ELOVL4: variants seen among roughly 807,000 people sequenced by gnomAD.
ELOVL4 encodes ELOVL fatty acid elongase 4, also known as very long chain fatty acid elongase 4.
In ELOVL4, 18 loss-of-function variants were observed where a neutral mutation model predicts 42.1. That is an observed-to-expected ratio of 0.43 (90% CI 0.30 to 0.63). The LOEUF is 0.63. ELOVL4 is among the 30% of genes least tolerant of loss of function. ELOVL4 has a pLI of 0.15. For synonymous variants in ELOVL4, 117 were observed against 127.0 expected (o/e 0.92, Z 0.53); for missense variants, 299 against 376.2 (o/e 0.79, Z 1.70).
intron 2 of ELOVL4, among the ~76,000 whole-genome samples, chr6:79,925,445 G>A (rs915705513): frequency 1.3e-5 from 2 of 152,136 alleles, no homozygotes; most frequent in Non-Finnish European, 2.9e-5. Context: ...TCGAGGCTAA[G>A]TTTTCAAGTA....
intron 1 of ELOVL4, among the ~76,000 whole-genome samples, chr6:79,937,592 A>AAG (rs1774566536): frequency 6.6e-6 from 1 of 152,064 alleles, no homozygotes; most frequent in Non-Finnish European, 1.5e-5. Context: ...AATACATATA[A>AAG]AACACTGGAC....
intron 3 of ELOVL4, among the ~76,000 whole-genome samples, chr6:79,922,380 C>A (rs1021912330): frequency 3.3e-5 from 5 of 151,886 alleles, no homozygotes; most frequent in Non-Finnish European, 5.9e-5. Context: ...TTGGAATGAA[C>A]AAACAAATAT....
At chr6:79,928,933 CTGT>C (rs1217595807) in intron 1 of ELOVL4, among the ~76,000 whole-genome samples, 5 of 151,738 alleles carry the variant, frequency 3.3e-5, no homozygotes, top group Non-Finnish European at 7.4e-5. Flanking sequence ...GTGTGGTGCA[CTGT>C]TGTTCTCTCA....
chr6:79,931,999 T>G (rs1774453323), intron 1 of ELOVL4, among the ~76,000 whole-genome samples: 1 of 152,190 alleles, frequency 6.6e-6, no homozygotes, highest in Admixed American at 6.5e-5. Context: ...TTATGAGAAT[T>G]ACTAAGGCAC....
At position 79,914,912 on chromosome 6, in the gene ELOVL4, A is replaced by C. The variant is rs528664920; in HGVS notation, c.*1696T>G. 5.2e-5 allele frequency: 8 copies of C among 152,606 alleles called. No homozygotes were observed. The highest frequency in any genetic ancestry group is 8.8e-5 in the Non-Finnish European group (6 of 67,998). The allele number at this position is 152,606 out of a possible 1,614,324, so 9.5% of individuals were successfully genotyped here. ...TACAGAATGTTCACAAAGATTTACA[A>C]ATCTCAGTCATTACACACTGAGCAA... On this transcript the variant is annotated 3_prime_UTR_variant, in exon 6 of 6. Coordinates refer to ENST00000369816, the MANE Select transcript of ELOVL4 (RefSeq NM_022726.4).
In ELOVL4 at chr6:79,926,279, T is replaced by C. The variant is rs1392474545; in HGVS notation, c.203A>G (p.Lys68Arg). 2 of 1,613,874 alleles carry C rather than the reference T, an allele frequency of 1.2e-6. No homozygotes were observed. The highest frequency in any genetic ancestry group is 1.3e-5 in the African/African-American group (1 of 74,890). Reference sequence around the variant, plus strand: ...ACGCATCTGAAAAGGTTCTCGGTCCTTCATCCATTTTGGACCCAGCCACAC... The same window carrying C: ...ACGCATCTGAAAAGGTTCTCGGTCCCTCATCCATTTTGGACCCAGCCACAC... The part of the protein sequence containing the change: ...LFVWLGPKWM[K>R]DREPFQMRLV... The change falls in exon 2 of 6, where the codon AAG becomes AGG. Residue 68 changes from lysine to arginine, a missense_variant. Transcript: ENST00000369816.
At chr6:79,922,048 G>C (rs1212204282) in intron 3 of ELOVL4, among the ~76,000 whole-genome samples, 3 of 152,218 alleles carry the variant, frequency 2.0e-5, no homozygotes, top group African/African-American at 7.2e-5. Context: ...TCCATAGGTA[G>C]ATGTTACATA....
At chr6:79,921,476 A>C in intron 4 of ELOVL4, 149 bp downstream of exon 4, 21 of 608,972 alleles carry the variant, frequency 3.4e-5, no homozygotes, top group Non-Finnish European at 3.0e-5. Flanking sequence ...AAAAAAAAAA[A>C]AAAAAAAAAA....
chr6:79,919,898 C>T (rs1774223307), intron 4 of ELOVL4, among the ~76,000 whole-genome samples: 1 of 152,002 alleles, frequency 6.6e-6, no homozygotes, highest in Non-Finnish European at 1.5e-5. Flanking sequence ...TTTAGATGTG[C>T]CAATATATAT....
In ELOVL4 at chr6:79,946,220, C is replaced by T. The variant is rs957536638; in HGVS notation, c.100+960G>A. Among the ~76,000 whole-genome samples the T allele has an allele frequency of 2.0e-5, 3 of 152,264 alleles. No individual in the cohort carries two copies. In the East Asian group the frequency reaches 5.8e-4, roughly 29 times the overall value. On this transcript the variant is annotated intron_variant, in intron 1 of 5. Coordinates refer to ENST00000369816, the MANE Select transcript of ELOVL4 (RefSeq NM_022726.4). ...ACCTCGTAAAATCATTTCTGAAATC[C>T]TTTAAACCTTATTTTAGATTTCAAA...
intron 1 of ELOVL4, among the ~76,000 whole-genome samples, chr6:79,932,635 T>C (rs1774467564): frequency 6.6e-6 from 1 of 152,208 alleles, no homozygotes; most frequent in African/African-American, 2.4e-5. Flanking sequence ...ATCTGATTTT[T>C]ATCTTAAGAT....
In ELOVL4 at chr6:79,933,117, G is replaced by C. The variant is rs148324183; in HGVS notation, c.101-6736C>G. 5.5e-3 allele frequency among the ~76,000 whole-genome samples: 843 copies of C among 152,260 alleles called. 7 individuals carry two copies. The highest frequency in any genetic ancestry group is 0.019 in the African/African-American group (807 of 41,550). On this transcript the variant is annotated intron_variant, in intron 1 of 5. Transcript: ENST00000369816. ...CATGATGAAGAGGATATATACAAAG[G>C]AAGAGGGCAGGAAATGACTGTGATG...
chr6:79,943,904 CA>C (rs1382635505), intron 1 of ELOVL4, among the ~76,000 whole-genome samples: 1 of 152,108 alleles, frequency 6.6e-6, no homozygotes, highest in African/African-American at 2.4e-5. Flanking sequence ...ACCAAGTAGA[CA>C]ATTTTTTTCA....
rs1408052798 is a variant in ELOVL4 at position 79,915,388 on chromosome 6, T to C, written c.*1220A>G. On this transcript the variant is annotated 3_prime_UTR_variant, in exon 6 of 6. Transcript: ENST00000369816. ...AACAACACCTTGTAACATCAAGCAT[T>C]GAATTTAACAATCTTTAGCACCAAG... The C allele has an allele frequency of 1.3e-5, 2 of 152,608 alleles. No individual in the cohort carries two copies. Among genetic ancestry groups the C allele is most frequent in the Admixed American group, 6.5e-5 (1 of 15,276 alleles). The allele number at this position is 152,608 out of a possible 1,614,324, so 9.5% of individuals were successfully genotyped here.
rs1774772388 is a variant in ELOVL4 at position 79,947,479 on chromosome 6, C to A, written c.-200G>T. 1.7e-6 allele frequency: 1 copy of A among 603,100 alleles called. No individual in the cohort carries two copies. The highest frequency in any genetic ancestry group is 1.9e-5 in the South Asian group (1 of 52,596). The allele number at this position is 603,100 out of a possible 1,614,324, so 37.4% of individuals were successfully genotyped here. On this transcript the variant is annotated 5_prime_UTR_variant, in exon 1 of 6. Transcript: ENST00000369816. ...GAAGGCAGGGCCAAGCGGAAGGCGT[C>A]GTCAAGGTTCCCGGGAGAAAGACGA...
chr6:79,938,468 T>A (rs558336939), intron 1 of ELOVL4, among the ~76,000 whole-genome samples: 1 of 152,248 alleles, frequency 6.6e-6, no homozygotes, highest in Non-Finnish European at 1.5e-5. Context: ...TAGTCCTGAA[T>A]GAATTTCATT....
Position 79,916,698 on chromosome 6 carries a change from A to G in ELOVL4, c.855T>C (p.Gly285=). The stretch of plus-strand genomic sequence containing the variant: ...ATTTGCTCACACCATTTGCTGAAAT[A>G]CCATTCATGGCTGTTTTTCCAGCTT... The part of the protein sequence containing the change: ...KPKAGKTAMN[G]ISANGVSKSE... Residue 285 remains glycine (G), a synonymous_variant, in exon 6 of 6, where the codon GGT becomes GGC. Coordinates refer to ENST00000369816, the MANE Select transcript of ELOVL4 (RefSeq NM_022726.4). 1 of 1,614,174 alleles carries G rather than the reference A, an allele frequency of 6.2e-7. No homozygotes were observed. The highest frequency in any genetic ancestry group is 8.5e-7 in the Non-Finnish European group (1 of 1,180,038).
intron 1 of ELOVL4, among the ~76,000 whole-genome samples, chr6:79,936,108 T>C (rs765357275): frequency 6.6e-6 from 1 of 152,186 alleles, no homozygotes; most frequent in Non-Finnish European, 1.5e-5. Context: ...CTAGATTCTA[T>C]CCGAATAAAT....
At chr6:79,921,886 G>C (rs1774263124) in intron 3 of ELOVL4, 90 bp from the exon 4 acceptor site, 1 of 1,254,080 alleles carries the variant, frequency 8.0e-7, no homozygotes, top group East Asian at 2.4e-5. Context: ...ATAAACATTT[G>C]TATATTGCAC....
Sources: allele counts gnomAD v4.1 joint callset (sites outside exome capture counted in the v4.1 genomes callset), GRCh38; gene constraint gnomAD v4.1.1; transcripts MANE v1.5; gene names NCBI Gene and HGNC (gene_info 2026-07-23, HGNC 2026-07-21).